Variants in PCDHGB2 observed in about 807,000 individuals in gnomAD.
The protein encoded by PCDHGB2 is protocadherin gamma subfamily B, 2.
A neutral mutation model predicts 59.3 loss-of-function variants in PCDHGB2; 55 were observed. The ratio of observed to expected loss-of-function variants is 0.93; its 90% CI spans 0.75 to 1.16. The LOEUF (loss-of-function observed/expected upper bound fraction) is 1.16. Ranked by LOEUF, PCDHGB2 falls within the 50% of genes most tolerant of loss-of-function variation. The probability of loss-of-function intolerance (pLI) is 0.00; values close to 1 mark genes in which losing one functional copy is unlikely to be tolerated. For missense variants in PCDHGB2, 1,228 were observed against 1,198.5 expected, an observed-to-expected ratio of 1.02 and a Z score of -0.36; for synonymous variants, 516 against 512.0, an observed-to-expected ratio of 1.01 and a Z score of -0.11.
At chr5:141,372,466 A>G in intron 1 of PCDHGB2, 1 of 1,613,906 alleles carries the variant, frequency 6.2e-7, no homozygotes, top group South Asian at 1.1e-5. Context: ...CTACAGTTTC[A>G]CCTAGTAGTG....
At chr5:141,418,891 C>T in intron 1 of PCDHGB2, 2 of 1,613,842 alleles carry the variant, frequency 1.2e-6, no homozygotes, top group South Asian at 2.2e-5. Flanking sequence ...ACGACAACAG[C>T]CCAGAAATAA....
chr5:141,434,789 T>C (rs2097718008), intron 1 of PCDHGB2, among the ~76,000 whole-genome samples: 1 of 152,008 alleles, frequency 6.6e-6, no homozygotes, highest in African/African-American at 2.4e-5. Context: ...AAAAAATTTT[T>C]TTTTCTGAGC....
At chr5:141,384,071 C>G in intron 1 of PCDHGB2, 2 of 1,603,192 alleles carry the variant, frequency 1.2e-6, no homozygotes, top group Non-Finnish European at 1.7e-6. Flanking sequence ...GAAAACCTAC[C>G]TTTTAAATTA....
rs2154555227 is a variant in PCDHGB2, at chr5:141,432,737, C to G, written c.2422-62070C>G. ...GCCCCCTCTCTCCGCCACTGTCACG[C>G]TCACCGTGGCCGTGGCCGACAGCAT... On this transcript the variant is annotated intron_variant, in intron 1 of 3. Coordinates refer to ENST00000522605, the MANE Select transcript of PCDHGB2 (RefSeq NM_018923.3). This position sits in a 1 kb window ranked among gnomAD's most constrained non-coding sequence, Gnocchi z 6.0. 6.2e-7 allele frequency: 1 copy of G among 1,614,110 alleles called. No homozygotes were observed. The highest frequency in any genetic ancestry group is 8.5e-7 in the Non-Finnish European group (1 of 1,180,002).
chr5:141,497,793 G>A (rs2099779480), intron 2 of PCDHGB2, among the ~76,000 whole-genome samples: 1 of 152,180 alleles, frequency 6.6e-6, no homozygotes, highest in Admixed American at 6.5e-5. Flanking sequence ...ACCTGCTTCA[G>A]CTTCCCAAAG....
intron 1 of PCDHGB2, chr5:141,370,893 C>A (rs116495533): frequency 6.2e-7 from 1 of 1,613,944 alleles, no homozygotes; most frequent in African/African-American, 1.3e-5. Flanking sequence ...TGTCAATTCG[C>A]TGCAGCAGTA....
At chr5:141,479,671 G>A (rs1484965995) in intron 1 of PCDHGB2, 1 of 152,196 alleles carries the variant, frequency 6.6e-6, no homozygotes, top group Non-Finnish European at 1.5e-5. Flanking sequence ...AACTACAAAA[G>A]GAGAGTCTTT....
chr5:141,455,856 TTTTATTA>T (rs1315325745), intron 1 of PCDHGB2, among the ~76,000 whole-genome samples: 1 of 146,240 alleles, frequency 6.8e-6, no homozygotes, highest in East Asian at 2.0e-4. Flanking sequence ...AAATAATTTC[TTTTATTA>T]TTTATTTATT....
At chr5:141,501,718 A>G (rs914077060) in intron 2 of PCDHGB2, among the ~76,000 whole-genome samples, 1 of 152,152 alleles carries the variant, frequency 6.6e-6, no homozygotes, top group Non-Finnish European at 1.5e-5. Flanking sequence ...AAAAAGACAA[A>G]TATATTACCC....
intron 1 of PCDHGB2, chr5:141,478,777 C>T: frequency 6.7e-7 from 1 of 1,488,806 alleles, no homozygotes. Context: ...CATCTGTGGA[C>T]CTAATTCACA....
rs370127569 is a variant in PCDHGB2 at position 141,422,859 on chromosome 5, C to T, written c.2421+60303C>T. 1.4e-5 allele frequency: 22 copies of T among 1,614,148 alleles called. No homozygotes were observed. In the African/African-American group the frequency reaches 2.5e-4, roughly 19 times the overall value. ...GTGACAGCGGGGACCCGCCCCTCAG[C>T]AGCAACGTGTCGCTGAGCCTGTTCG... On this transcript the variant is annotated intron_variant, in intron 1 of 3. Transcript: ENST00000522605.
intron 1 of PCDHGB2, among the ~76,000 whole-genome samples, chr5:141,420,686 C>T (rs781004859): frequency 1.3e-4 from 20 of 152,258 alleles, no homozygotes; most frequent in Admixed American, 4.6e-4. Context: ...TTATCGGGAC[C>T]GTATTATTTC....
In PCDHGB2 at chr5:141,413,958, G is replaced by A. The variant is rs774080265; in HGVS notation, c.2421+51402G>A. On this transcript the variant is annotated intron_variant, in intron 1 of 3. Coordinates refer to ENST00000522605, the MANE Select transcript of PCDHGB2 (RefSeq NM_018923.3). ...TGAGTGTTCCTGAGAATTTGCCTGT[G>A]GGCACTCAGCTGCTGACAGTCACAG... The A allele has an allele frequency of 5.0e-6, 8 of 1,613,276 alleles. No individual in the cohort carries two copies. In the South Asian group the frequency reaches 6.6e-5, roughly 13 times the overall value.
chr5:141,491,409 G>C lies in PCDHGB2; in HGVS notation c.2422-3398G>C, dbSNP rs2099711927. 6.2e-7 allele frequency: 1 copy of C among 1,614,000 alleles called. No homozygotes were observed. Among genetic ancestry groups the C allele is most frequent in the Non-Finnish European group, 8.5e-7 (1 of 1,180,022 alleles). The stretch of plus-strand genomic sequence containing the variant: ...AGTGCCTTCAGGGAAACGCAGACGG[G>C]GACGGGGGTGGAGGGCAGTGCTGCA... On this transcript the variant is annotated intron_variant, in intron 1 of 3. Coordinates refer to ENST00000522605, the MANE Select transcript of PCDHGB2 (RefSeq NM_018923.3). This position sits in a 1 kb window ranked among gnomAD's most constrained non-coding sequence, Gnocchi z 6.9.
At position 141,486,720 on chromosome 5, in the gene PCDHGB2, C is replaced by G; in HGVS notation, c.2422-8087C>G. ...ATCTCTCTGAACCCCCAGACAGGAG[C>G]TGTTCATGCTACTCGATCCTTTGAC... On this transcript the variant is annotated intron_variant, in intron 1 of 3. Coordinates refer to ENST00000522605, the MANE Select transcript of PCDHGB2 (RefSeq NM_018923.3). This position sits in a 1 kb window ranked among gnomAD's most constrained non-coding sequence, Gnocchi z 5.0. The G allele has an allele frequency of 6.2e-7, 1 of 1,614,216 alleles. No homozygotes were observed. Among genetic ancestry groups the G allele is most frequent in the Non-Finnish European group, 8.5e-7 (1 of 1,180,038 alleles).
At chr5:141,415,420 G>A in intron 1 of PCDHGB2, 2 of 1,614,226 alleles carry the variant, frequency 1.2e-6, no homozygotes, top group Non-Finnish European at 1.7e-6. Flanking sequence ...GGGCGTGGAC[G>A]GGGTTCGGGC....
intron 1 of PCDHGB2, chr5:141,385,485 A>T: frequency 2.8e-6 from 4 of 1,418,146 alleles, no homozygotes; most frequent in Non-Finnish European, 3.7e-6. Flanking sequence ...AATATAGAAC[A>T]CATAGGATAT....
chr5:141,474,608 T>G (rs1469173973), intron 1 of PCDHGB2, among the ~76,000 whole-genome samples: 1 of 152,268 alleles, frequency 6.6e-6, no homozygotes, highest in Non-Finnish European at 1.5e-5. Flanking sequence ...AGGTCACATA[T>G]GGCTTTTCAT....
intron 1 of PCDHGB2, chr5:141,441,834 C>T (rs370689467): frequency 2.6e-5 from 9 of 352,638 alleles, no homozygotes; most frequent in Non-Finnish European, 3.9e-5. Flanking sequence ...GCAATGGCTT[C>T]GCGCTCTTGG....
Sources: gnomAD v4.1 joint callset for allele counts (sites outside exome capture counted in the v4.1 genomes callset) on GRCh38, gnomAD v4.1.1 for gene constraint, Gnocchi (gnomAD v3.1) non-coding constraint, MANE v1.5 for transcripts, NCBI Gene and HGNC (gene_info 2026-07-23, HGNC 2026-07-21) for gene names.